PLD5: variants seen among roughly 807,000 people sequenced by gnomAD.
PLD5 encodes the protein inactive phospholipase D5.
In PLD5, 36 loss-of-function variants were observed where a neutral mutation model predicts 61.1. That is an observed-to-expected ratio of 0.59 (90% CI 0.45 to 0.78). PLD5 has a LOEUF of 0.78. PLD5 is among the 30% of genes least tolerant of loss of function. PLD5 has a pLI of 0.00. For synonymous variants in PLD5, 243 were observed against 242.8 expected (o/e 1.00, Z -0.01); for missense variants, 515 against 644.4 (o/e 0.80, Z 2.17).
At chr1:242,334,149 T>C (rs1243400847) in intron 2 of PLD5, among the ~76,000 whole-genome samples, 1 of 151,980 alleles carries the variant, frequency 6.6e-6, no homozygotes, top group East Asian at 1.9e-4. Flanking sequence ...AGTTTCAAGG[T>C]GGGGAAATCC....
intron 1 of PLD5, among the ~76,000 whole-genome samples, chr1:242,436,814 C>T (rs1194771756): frequency 6.6e-6 from 1 of 152,176 alleles, no homozygotes; most frequent in Non-Finnish European, 1.5e-5. Flanking sequence ...AGAGGTTGCA[C>T]CACGTTCTAC....
In PLD5 at chr1:242,087,454, C is replaced by A. The variant is rs1186848152; in HGVS notation, c.*2400G>T. ...GTCCCATGGCTGTGGATGAATACTT[C>A]AGGGGACAACTTGAGAACTAACAAA... On this transcript the variant is annotated 3_prime_UTR_variant, in exon 10 of 10. Transcript: ENST00000536534. The A allele has an allele frequency of 6.6e-6, 1 of 152,150 alleles. No homozygotes were observed. Among genetic ancestry groups the A allele is most frequent in the Non-Finnish European group, 1.5e-5 (1 of 68,048 alleles). The allele number at this position is 152,150 out of a possible 1,614,324, so 9.4% of individuals were successfully genotyped here. A position where few individuals can be genotyped will look rare whatever the true frequency, so the allele number is the denominator to read the frequency against.
intron 1 of PLD5, among the ~76,000 whole-genome samples, chr1:242,355,302 T>C (rs1176063099): frequency 6.6e-6 from 1 of 152,164 alleles, no homozygotes; most frequent in Admixed American, 6.6e-5. Flanking sequence ...TCCTCACTTG[T>C]TATTCATCTG....
intron 2 of PLD5, among the ~76,000 whole-genome samples, chr1:242,305,557 T>G (rs1338088341): frequency 1.3e-5 from 2 of 151,130 alleles, no homozygotes; most frequent in Non-Finnish European, 3.0e-5. Context: ...CACTTCCATT[T>G]CTTATTTTTT....
intron 4 of PLD5, among the ~76,000 whole-genome samples, chr1:242,235,203 AG>A (rs1369129267): frequency 1.3e-4 from 20 of 152,330 alleles, no homozygotes; most frequent in Non-Finnish European, 2.6e-4. Context: ...GGGTAATAAC[AG>A]GGTTCTGATT....
chr1:242,421,121 A>G (rs1273514272), intron 1 of PLD5, among the ~76,000 whole-genome samples: 1 of 144,382 alleles, frequency 6.9e-6, no homozygotes, highest in East Asian at 2.1e-4. Context: ...TGAAGGTTGC[A>G]GTGATCCGAG....
intron 1 of PLD5, among the ~76,000 whole-genome samples, chr1:242,425,819 A>G (rs1427631749): frequency 6.6e-6 from 1 of 151,426 alleles, no homozygotes; most frequent in Non-Finnish European, 1.5e-5. Flanking sequence ...ATTTTTTTGT[A>G]TTTTTAGTAG....
chr1:242,217,396 G>A (rs573769149), intron 5 of PLD5, among the ~76,000 whole-genome samples: 1 of 152,322 alleles, frequency 6.6e-6, no homozygotes, highest in South Asian at 2.1e-4. Context: ...GCCGAAGTGG[G>A]TGAATCACCA....
At chr1:242,268,261 C>T (rs1391200568) in intron 3 of PLD5, among the ~76,000 whole-genome samples, 4 of 152,194 alleles carry the variant, frequency 2.6e-5, no homozygotes, top group Non-Finnish European at 4.4e-5. Context: ...CTCACGTTCA[C>T]GTAAGTTGTT....
intron 9 of PLD5, among the ~76,000 whole-genome samples, chr1:242,093,801 C>T (rs946880954): frequency 6.6e-6 from 1 of 151,512 alleles, no homozygotes. Flanking sequence ...TGGAAATATG[C>T]TTCGGGGGCA....
intron 1 of PLD5, chr1:242,377,192 G>GT: frequency 6.2e-7 from 1 of 1,611,584 alleles, no homozygotes; most frequent in Non-Finnish European, 8.5e-7. Context: ...CGTGAGACGT[G>GT]TAGCAGAGGC....
At chr1:242,412,581 C>T (rs906713279) in intron 1 of PLD5, among the ~76,000 whole-genome samples, 1 of 152,114 alleles carries the variant, frequency 6.6e-6, no homozygotes, top group Non-Finnish European at 1.5e-5. Context: ...AGTACGTAAC[C>T]TTTGGGGATT....
At chr1:242,528,634 A>C (rs894045678), upstream of PLD5, among the ~76,000 whole-genome samples, 22 of 152,174 alleles carry the variant, frequency 1.4e-4, no homozygotes, top group African/African-American at 5.1e-4. Flanking sequence ...AGCACATATC[A>C]CATTTACTCC....
intron 2 of PLD5, among the ~76,000 whole-genome samples, chr1:242,334,353 A>C (rs1333126944): frequency 2.0e-5 from 3 of 152,214 alleles, no homozygotes; most frequent in Non-Finnish European, 4.4e-5. Context: ...TCAGGAAATA[A>C]AGGTGGGTAT....
chr1:242,293,652 G>T (rs1675495742), intron 2 of PLD5, among the ~76,000 whole-genome samples: 1 of 152,008 alleles, frequency 6.6e-6, no homozygotes. Context: ...CCGTTATTTG[G>T]TTTTTACTAA....
intron 5 of PLD5, among the ~76,000 whole-genome samples, chr1:242,177,183 A>C (rs1667209718): frequency 6.6e-6 from 1 of 152,222 alleles, no homozygotes; most frequent in African/African-American, 2.4e-5. Context: ...AGTGATTGAT[A>C]GACTGGATAA....
intron 7 of PLD5, among the ~76,000 whole-genome samples, chr1:242,112,311 G>A (rs1378750230): frequency 4.9e-5 from 5 of 102,226 alleles, no homozygotes; most frequent in South Asian, 7.6e-4. Flanking sequence ...GTGTGTGTGT[G>A]TGTGTGTGTG....
intron 5 of PLD5, among the ~76,000 whole-genome samples, chr1:242,199,408 C>A (rs563493115): frequency 2.6e-5 from 4 of 152,074 alleles, no homozygotes; most frequent in Non-Finnish European, 5.9e-5. Flanking sequence ...GCGCCCGCCA[C>A]CACGCCCAGC....
At chr1:242,205,056 A>G (rs1288436863) in intron 5 of PLD5, among the ~76,000 whole-genome samples, 7 of 152,198 alleles carry the variant, frequency 4.6e-5, no homozygotes, top group Non-Finnish European at 1.0e-4. Flanking sequence ...GACTGTATCT[A>G]TGAAAAAAGC....
Sources: allele counts gnomAD v4.1 joint callset (sites outside exome capture counted in the v4.1 genomes callset), GRCh38; gene constraint gnomAD v4.1.1; transcripts MANE v1.5; gene names NCBI Gene and HGNC (gene_info 2026-07-23, HGNC 2026-07-21).